The following DTNA variants were observed in gnomAD, a reference collection of about 807,000 sequenced individuals.
DTNA encodes dystrobrevin alpha.
Under a neutral mutation model 100.7 loss-of-function variants are expected in DTNA, and 43 were observed. The observed-to-expected ratio is 0.43, with a 90% CI of 0.33 to 0.55. The LOEUF is 0.55. Ranked by LOEUF, DTNA falls within the 20% of genes least tolerant of loss-of-function variation. The probability of loss-of-function intolerance (pLI) is 0.04; values close to 1 mark genes in which losing one functional copy is unlikely to be tolerated. For synonymous variants in DTNA, 349 were observed against 347.9 expected, an observed-to-expected ratio of 1.00 and a Z score of -0.04; for missense variants, 798 against 953.9, an observed-to-expected ratio of 0.84 and a Z score of 2.15.
intron 1 of DTNA, among the ~76,000 whole-genome samples, chr18:34,525,675 C>T (rs888857162): frequency 2.0e-5 from 3 of 152,202 alleles, no homozygotes; most frequent in East Asian, 1.9e-4. Flanking sequence ...ACTCCTCTGA[C>T]GCTGAGTGGT....
intron 1 of DTNA, among the ~76,000 whole-genome samples, chr18:34,529,606 T>C (rs1406716735): frequency 6.6e-6 from 1 of 152,110 alleles, no homozygotes; most frequent in Admixed American, 6.6e-5. Flanking sequence ...GACTAGGAAA[T>C]GATAGAGACG....
intron 1 of DTNA, among the ~76,000 whole-genome samples, chr18:34,583,196 C>G (rs1325841320): frequency 6.6e-6 from 1 of 152,112 alleles, no homozygotes; most frequent in African/African-American, 2.4e-5. Context: ...AAAGGATCTC[C>G]TTAGTCTAAT....
At chr18:34,632,788 C>T (rs777413660) in intron 1 of DTNA, among the ~76,000 whole-genome samples, 11 of 151,966 alleles carry the variant, frequency 7.2e-5, no homozygotes, top group Non-Finnish European at 1.6e-4. Context: ...TATATTAATC[C>T]TTATTTTCAT....
intron 1 of DTNA, among the ~76,000 whole-genome samples, chr18:34,652,686 A>G (rs2060597228): frequency 6.6e-6 from 1 of 152,166 alleles, no homozygotes; most frequent in Non-Finnish European, 1.5e-5. Flanking sequence ...AACTGACATA[A>G]TCTCTTCTAG....
At chr18:34,605,632 G>GGCGC (rs201409881) in intron 1 of DTNA, among the ~76,000 whole-genome samples, 2 of 83,894 alleles carry the variant, frequency 2.4e-5, no homozygotes, top group African/African-American at 1.0e-4. Flanking sequence ...TTGCAACTCA[G>GGCGC]GCACACACAC....
chr18:34,498,961 A>C (rs964575249), intron 1 of DTNA, among the ~76,000 whole-genome samples: 1 of 152,188 alleles, frequency 6.6e-6, no homozygotes, highest in Non-Finnish European at 1.5e-5. Flanking sequence ...TGTAAGGAGT[A>C]ATACAGAGAT....
intron 1 of DTNA, among the ~76,000 whole-genome samples, chr18:34,698,002 T>G (rs2146062760): frequency 6.6e-6 from 1 of 152,304 alleles, no homozygotes; most frequent in Admixed American, 6.5e-5. Context: ...TGTTCCTTGA[T>G]TCATCATTCC....
intron 1 of DTNA, among the ~76,000 whole-genome samples, chr18:34,638,179 A>C (rs1190076397): frequency 6.6e-6 from 1 of 152,194 alleles, no homozygotes; most frequent in African/African-American, 2.4e-5. Flanking sequence ...TGCCTTTTCT[A>C]TGCTTCTGAT....
intron 15 of DTNA, among the ~76,000 whole-genome samples, chr18:34,857,822 C>G (rs147657969): frequency 6.6e-6 from 1 of 152,156 alleles, no homozygotes; most frequent in Non-Finnish European, 1.5e-5. Flanking sequence ...GAAATGAGCC[C>G]CATTTATCCT....
At chr18:34,689,967 G>A (rs1210001201) in intron 1 of DTNA, among the ~76,000 whole-genome samples, 1 of 152,190 alleles carries the variant, frequency 6.6e-6, no homozygotes, top group Non-Finnish European at 1.5e-5. Context: ...ACCTACTCAA[G>A]CCTCAGTAAT....
intron 1 of DTNA, among the ~76,000 whole-genome samples, chr18:34,667,373 C>T (rs189358831): frequency 7.2e-5 from 11 of 152,250 alleles, no homozygotes; most frequent in East Asian, 3.9e-4. Context: ...CCGCAAACAG[C>T]GACAATTTGA....
intron 1 of DTNA, among the ~76,000 whole-genome samples, chr18:34,628,760 CT>C (rs2057678757): frequency 6.6e-6 from 1 of 152,096 alleles, no homozygotes; most frequent in Non-Finnish European, 1.5e-5. Flanking sequence ...TCTGTACATT[CT>C]TTTTTTCTTA....
At position 34,635,897 on chromosome 18, in the gene DTNA, C is replaced by CT. The variant is rs763403102; in HGVS notation, c.-1-120071dup. 9.7e-4 allele frequency among the ~76,000 whole-genome samples: 146 copies of CT among 151,044 alleles called. 1 individual carries two copies. Among genetic ancestry groups the CT allele is most frequent in the Non-Finnish European group, 1.2e-3 (83 of 67,784 alleles). On this transcript the variant is annotated intron_variant, in intron 1 of 19. Transcript: ENST00000283365. ...TTTTACTTGAAGTGACAGCTTAATT[C>CT]TTTTTTTTCAATTAAAAAAAAAAAC...
intron 1 of DTNA, among the ~76,000 whole-genome samples, chr18:34,651,041 C>A (rs1414615226): frequency 2.0e-5 from 3 of 152,244 alleles, no homozygotes; most frequent in Non-Finnish European, 2.9e-5. Flanking sequence ...CTTTTCCAGA[C>A]CATTCAAAGC....
chr18:34,853,852 AT>A (rs1314280260), intron 15 of DTNA, among the ~76,000 whole-genome samples: 1 of 152,180 alleles, frequency 6.6e-6, no homozygotes, highest in Non-Finnish European at 1.5e-5. Context: ...TTTATGTATC[AT>A]TTATTATATC....
chr18:34,582,874 C>T (rs946224635), intron 1 of DTNA, among the ~76,000 whole-genome samples: 6 of 152,060 alleles, frequency 3.9e-5, no homozygotes, highest in Non-Finnish European at 7.4e-5. Context: ...ACAAAATATA[C>T]AAATGTGGTC....
chr18:34,831,157 G>A (rs777334477), intron 11 of DTNA, among the ~76,000 whole-genome samples: 2 of 152,110 alleles, frequency 1.3e-5, no homozygotes, highest in African/African-American at 2.4e-5. Flanking sequence ...ACTTTTTAAT[G>A]TCAAGTAAGC....
intron 1 of DTNA, among the ~76,000 whole-genome samples, chr18:34,573,136 G>T (rs536649084): frequency 2.3e-4 from 35 of 152,170 alleles, no homozygotes; most frequent in African/African-American, 7.5e-4. Context: ...AATTAACTTT[G>T]CACCTGGCAA....
chr18:34,700,790 C>T (rs1234071272), intron 1 of DTNA, among the ~76,000 whole-genome samples: 1 of 152,224 alleles, frequency 6.6e-6, no homozygotes, highest in South Asian at 2.1e-4. Context: ...TTCCCATTTG[C>T]ATCATGCTTC....
Sources: allele counts gnomAD v4.1 joint callset (sites outside exome capture counted in the v4.1 genomes callset), GRCh38; gene constraint gnomAD v4.1.1; transcripts MANE v1.5; gene names NCBI Gene and HGNC (gene_info 2026-07-23, HGNC 2026-07-21).